The following GRAP2 variants were observed in gnomAD, a reference collection of about 807,000 sequenced individuals.
GRAP2 encodes the protein GRB2-related adapter protein 2.
A neutral mutation model predicts 43.5 loss-of-function variants in GRAP2; 31 were observed. The observed-to-expected ratio is 0.71, with a 90% CI of 0.54 to 0.96. The LOEUF (loss-of-function observed/expected upper bound fraction) is 0.96. Among genes scored for constraint, GRAP2 ranks in the 40% least tolerant of loss-of-function variants. The pLI is 0.00. For synonymous variants in GRAP2, 156 were observed against 164.8 expected, an observed-to-expected ratio of 0.95 and a Z score of 0.41; for missense variants, 371 against 424.4, an observed-to-expected ratio of 0.87 and a Z score of 1.11.
chr22:39,922,416 A>C (rs2066660802), intron 1 of GRAP2, among the ~76,000 whole-genome samples: 1 of 152,154 alleles, frequency 6.6e-6, no homozygotes. Flanking sequence ...GCACATTGTA[A>C]ATTTAGGTAA....
chr22:39,932,274 C>T (rs2066763170), intron 1 of GRAP2, among the ~76,000 whole-genome samples: 1 of 152,158 alleles, frequency 6.6e-6, no homozygotes. Context: ...CTATTGGTTG[C>T]TTATCTGAAA....
At chr22:39,951,649 G>A (rs1285003706) in intron 2 of GRAP2, among the ~76,000 whole-genome samples, 1 of 152,116 alleles carries the variant, frequency 6.6e-6, no homozygotes, top group African/African-American at 2.4e-5. Flanking sequence ...CAGGCTGAAC[G>A]CCTTGCTCAG....
intron 1 of GRAP2, among the ~76,000 whole-genome samples, chr22:39,911,252 G>C (rs929775230): frequency 6.6e-6 from 1 of 152,026 alleles, no homozygotes; most frequent in Non-Finnish European, 1.5e-5. Context: ...AAATATAACT[G>C]GTTTATCTGA....
At chr22:39,900,726 A>G (rs1205512292), upstream of GRAP2, among the ~76,000 whole-genome samples, 1 of 152,202 alleles carries the variant, frequency 6.6e-6, no homozygotes, top group Non-Finnish European at 1.5e-5. Context: ...GTGTATGAAC[A>G]AAGCATCTTT....
chr22:39,971,000 C>T lies in GRAP2; in HGVS notation c.909C>T (p.Ser303=). The change falls in exon 8 of 8, where the codon AGC becomes AGT. Residue 303 remains serine, a synonymous_variant. Transcript: ENST00000344138. ...HSGEVVEVLD[S]SNPSWWTGRL... is the part of the protein sequence containing the mutation. ...GGGAGGTGGTGGAGGTCCTGGATAG[C>T]TCCAACCCATCCTGGTGGACCGGCC... 6.2e-7 allele frequency: 1 copy of T among 1,613,598 alleles called. No individual in the cohort carries two copies. Among genetic ancestry groups the T allele is most frequent in the Non-Finnish European group, 8.5e-7 (1 of 1,179,718 alleles).
rs538072169 is a variant in GRAP2 at position 39,933,772 on chromosome 22, C to T, written c.-14-13321C>T. Among the ~76,000 whole-genome samples, 3 of 150,438 alleles carry T rather than the reference C, an allele frequency of 2.0e-5. No individual in the cohort carries two copies. The South Asian group carries it at 6.3e-4, about 32-fold the overall frequency. ...AGGAGAATCTCTTGAGCCTGGGAGG[C>T]GAATGTTTCAGTGAGCCAAGATTGC... On this transcript the variant is annotated intron_variant, in intron 1 of 7. Coordinates refer to ENST00000344138, the MANE Select transcript of GRAP2 (RefSeq NM_004810.4).
intron 4 of GRAP2, 22 bp downstream of exon 4, chr22:39,960,196 G>A: frequency 1.2e-6 from 2 of 1,610,684 alleles, no homozygotes; most frequent in East Asian, 2.2e-5. Context: ...TCCTGACACT[G>A]CCTTGGCCCT....
chr22:39,924,627 G>A (rs781307078), intron 1 of GRAP2, among the ~76,000 whole-genome samples: 2 of 152,126 alleles, frequency 1.3e-5, no homozygotes, highest in Admixed American at 6.6e-5. Context: ...ACTTCAACCC[G>A]GGCGGCGGAG....
Position 39,968,257 on chromosome 22 carries a change from C to G in GRAP2, c.675C>G (p.His225Gln), listed in dbSNP as rs2067196494. 1 of 1,612,604 alleles carries G rather than the reference C, an allele frequency of 6.2e-7. No individual in the cohort carries two copies. Reference protein sequence around the residue: ...QQPPQQRYLQHHHFHQERRGG... With the variant: ...QQPPQQRYLQQHHFHQERRGG... ...CCCCACAGCAGCGATATCTGCAGCA[C>G]CACCATTTCCACCAGGTATCTGGAA... Residue 225 changes from histidine (H) to glutamine (Q), a missense_variant, in exon 6 of 8, where the codon CAC (histidine) becomes CAG (glutamine). By Grantham distance (24) the His-to-Gln change is conservative. Coordinates refer to ENST00000344138, the MANE Select transcript of GRAP2 (RefSeq NM_004810.4).
At chr22:39,934,974 G>C (rs537191869) in intron 1 of GRAP2, among the ~76,000 whole-genome samples, 12 of 152,278 alleles carry the variant, frequency 7.9e-5, no homozygotes, top group Admixed American at 2.0e-4. Context: ...ACTCAGCCCA[G>C]CTCAGACCAT....
intron 1 of GRAP2, among the ~76,000 whole-genome samples, chr22:39,918,158 C>T (rs994656692): frequency 2.6e-5 from 4 of 152,182 alleles, no homozygotes; most frequent in Admixed American, 6.5e-5. Context: ...GTTTTTCACG[C>T]TCCTCCCTGA....
At chr22:39,948,095 AATTAG>A (rs1343815090) in intron 2 of GRAP2, 1 of 152,202 alleles carries the variant, frequency 6.6e-6, no homozygotes, top group Non-Finnish European at 1.5e-5. Context: ...CACCACCGAG[AATTAG>A]GTTTGTTATA....
At chr22:39,950,968 GC>G (rs1158618015) in intron 2 of GRAP2, among the ~76,000 whole-genome samples, 4 of 152,216 alleles carry the variant, frequency 2.6e-5, no homozygotes, top group African/African-American at 9.6e-5. Context: ...GGCCTTTTGT[GC>G]TAAAGACTAA....
intron 3 of GRAP2, among the ~76,000 whole-genome samples, chr22:39,956,589 C>G (rs1166631563): frequency 1.3e-5 from 2 of 152,084 alleles, no homozygotes; most frequent in Admixed American, 1.3e-4. Flanking sequence ...CTGCCTCAGC[C>G]TCCCTAGTAG....
chr22:39,916,017 C>T (rs1031355978), intron 1 of GRAP2, among the ~76,000 whole-genome samples: 3 of 152,172 alleles, frequency 2.0e-5, no homozygotes, highest in Non-Finnish European at 2.9e-5. Context: ...CTTAAGCTCC[C>T]CCATCCCTCT....
At position 39,960,100 on chromosome 22, in the gene GRAP2, C is replaced by T. The variant is rs763078050; in HGVS notation, c.216C>T (p.Leu72=). The change falls in exon 4 of 8, where the codon CTC becomes CTT. Residue 72 remains leucine (L), a synonymous_variant. Coordinates refer to ENST00000344138, the MANE Select transcript of GRAP2 (RefSeq NM_004810.4). ...GLSRHQAENL[L]MGKEVGFFII... ...CTCGACACCAGGCAGAGAACTTACTCATGGGCAAGGAGGTTGGCTTCTTCA... is the reference window on the plus strand; with the variant it reads ...CTCGACACCAGGCAGAGAACTTACTTATGGGCAAGGAGGTTGGCTTCTTCA... 6.2e-7 allele frequency: 1 copy of T among 1,612,766 alleles called. No homozygotes were observed. Among genetic ancestry groups the T allele is most frequent in the Non-Finnish European group, 8.5e-7 (1 of 1,178,722 alleles).
At chr22:39,901,377 C>G (rs547066455) in intron 1 of GRAP2, 47 bp downstream of exon 1, 2 of 642,160 alleles carry the variant, frequency 3.1e-6, no homozygotes, top group South Asian at 3.0e-5. Context: ...AAACTTTGAA[C>G]AGTTTTATAA....
In GRAP2 at chr22:39,944,976, A is replaced by G. The variant is rs759627858; in HGVS notation, c.-14-2117A>G. On this transcript the variant is annotated intron_variant, in intron 1 of 7. Coordinates refer to ENST00000344138, the MANE Select transcript of GRAP2 (RefSeq NM_004810.4). The stretch of plus-strand genomic sequence containing the variant: ...GAGGCGACCACTGTCTACTGTTGAT[A>G]CCATGAGGATGACCCACAGAAGTCA... Among the ~76,000 whole-genome samples, 6 of 152,328 alleles carry G rather than the reference A, an allele frequency of 3.9e-5. No individual in the cohort carries two copies. The South Asian group carries it at 8.3e-4, about 21-fold the overall frequency.
Position 39,968,516 on chromosome 22 carries a change from C to T in GRAP2, c.690+244C>T, listed in dbSNP as rs1220939433. 9.2e-6 allele frequency: 5 copies of T among 541,248 alleles called. No homozygotes were observed. In the East Asian group the frequency reaches 1.5e-4, roughly 16 times the overall value. 33.5% of individuals were successfully genotyped at this position (541,248 alleles called of 1,614,324 possible). The stretch of plus-strand genomic sequence containing the variant: ...ACACACACACACTTAAACTCACACA[C>T]ACACACACTTCCCCTGAGGACCCAG... On this transcript the variant is annotated intron_variant, in intron 6 of 7. Transcript: ENST00000344138.
Sources: allele counts gnomAD v4.1 joint callset (sites outside exome capture counted in the v4.1 genomes callset), GRCh38; gene constraint gnomAD v4.1.1; transcripts MANE v1.5; gene names NCBI Gene and HGNC (gene_info 2026-07-23, HGNC 2026-07-21).